TNNT2: variants seen among roughly 807,000 people sequenced by gnomAD.
The protein encoded by TNNT2 is troponin T2, cardiac type, also known as troponin T, cardiac muscle.
Under a neutral mutation model 62.4 loss-of-function variants are expected in TNNT2, and 34 were observed. The observed-to-expected ratio is 0.54, with a 90% confidence interval of 0.41 to 0.72. TNNT2 has a LOEUF of 0.72. TNNT2 is among the 30% of genes least tolerant of loss of function. The pLI is 0.00. For missense variants in TNNT2, 275 were observed against 381.9 expected, an observed-to-expected ratio of 0.72 and a Z score of 2.33; for synonymous variants, 123 against 127.2, an observed-to-expected ratio of 0.97 and a Z score of 0.22.
intron 5 of TNNT2, chr1:201,369,447 GC>G: frequency 2.1e-6 from 1 of 484,858 alleles, no homozygotes; most frequent in South Asian, 1.5e-5. Context: ...CCTAAGGAGG[GC>G]CCAGCATGGA....
chr1:201,366,273 G>C (rs1362485165), intron 8 of TNNT2: 3 of 1,020,924 alleles, frequency 2.9e-6, no homozygotes, highest in East Asian at 8.7e-5. Context: ...CACTGAAATG[G>C]GAAGAGCCTG....
At chr1:201,375,983 C>T (rs1661341650) in intron 1 of TNNT2, among the ~76,000 whole-genome samples, 1 of 152,226 alleles carries the variant, frequency 6.6e-6, no homozygotes, top group Admixed American at 6.5e-5. Flanking sequence ...AGGACACCAC[C>T]ATGCCAGTGG....
At chr1:201,359,707 CTGGCTCAGGTCCCAGG>C in intron 15 of TNNT2, 44 bp from the exon 16 acceptor site, 3 of 1,556,272 alleles carry the variant, frequency 1.9e-6, no homozygotes, top group Middle Eastern at 1.7e-4. Context: ...CTGGAGCTGA[CTGGCTCAGGTCCCAGG>C]TGGCCTGGGG....
intron 5 of TNNT2, among the ~76,000 whole-genome samples, chr1:201,368,902 A>G (rs1301499616): frequency 6.6e-6 from 1 of 152,212 alleles, no homozygotes; most frequent in Non-Finnish European, 1.5e-5. Flanking sequence ...GGAAGACACC[A>G]TCGTGGGAGA....
intron 8 of TNNT2, chr1:201,365,881 T>C: frequency 7.0e-7 from 1 of 1,433,140 alleles, no homozygotes; most frequent in South Asian, 1.4e-5. Context: ...CATATGCTAT[T>C]TCACTTCATG....
At chr1:201,361,508 C>T (rs1658633697) in intron 14 of TNNT2, 139 bp from the exon 15 acceptor site, 4 of 850,748 alleles carry the variant, frequency 4.7e-6, no homozygotes, top group Non-Finnish European at 7.9e-6. Context: ...CAGCCCACCC[C>T]CTGGGCCTGA....
chr1:201,365,812 C>A lies in TNNT2; in HGVS notation c.234-142G>T, dbSNP rs192682611. ...ACCACAGCAATGATAGTAACACTGA[C>A]GTCAACAATGGCAGTCCTCAGCCTT... On this transcript the variant is annotated intron_variant, in intron 8 of 16. Transcript: ENST00000656932. The A allele has an allele frequency of 2.0e-6, 3 of 1,535,064 alleles. No individual in the cohort carries two copies. The African/African-American group carries it at 4.1e-5, about 21-fold the overall frequency.
intron 5 of TNNT2, chr1:201,369,242 G>A (rs988576912): frequency 2.1e-5 from 10 of 468,688 alleles, no homozygotes; most frequent in Admixed American, 9.4e-5. Flanking sequence ...CTGTCAGAAC[G>A]CACTTTCTAA....
chr1:201,373,297 G>A, intron 1 of TNNT2, 29 bp from the exon 2 acceptor site: 1 of 1,607,288 alleles, frequency 6.2e-7, no homozygotes, highest in Non-Finnish European at 8.5e-7. Flanking sequence ...GTCAGTGCAG[G>A]TACAAAGGGA....
At chr1:201,364,525 CA>C in intron 10 of TNNT2, 150 bp from the exon 11 acceptor site, 1 of 796,490 alleles carries the variant, frequency 1.3e-6, no homozygotes, top group East Asian at 2.7e-5. Context: ...CAAGGGCCTC[CA>C]CTTTCAACCA....
At chr1:201,361,583 A>G (rs1658648840) in intron 14 of TNNT2, among the ~76,000 whole-genome samples, 1 of 152,230 alleles carries the variant, frequency 6.6e-6, no homozygotes, top group Admixed American at 6.5e-5. Context: ...CTGCCAGGGC[A>G]AAGTTCCAAG....
intron 15 of TNNT2, among the ~76,000 whole-genome samples, 172 bp from the exon 16 acceptor site, chr1:201,359,835 C>T (rs1571591603): frequency 6.6e-6 from 1 of 152,232 alleles, no homozygotes; most frequent in Admixed American, 6.5e-5. Context: ...GGCCCGTGTA[C>T]CACAGGCAGA....
intron 1 of TNNT2, among the ~76,000 whole-genome samples, chr1:201,376,605 C>T (rs572770976): frequency 6.6e-6 from 1 of 152,258 alleles, no homozygotes; most frequent in South Asian, 2.1e-4. Flanking sequence ...AAGGAAGATT[C>T]GCCCTCTAAG....
intron 5 of TNNT2, among the ~76,000 whole-genome samples, chr1:201,369,131 T>C (rs1660182921): frequency 6.6e-6 from 1 of 152,058 alleles, no homozygotes; most frequent in Non-Finnish European, 1.5e-5. Flanking sequence ...ACGTGTCATT[T>C]CTCTATATAA....
chr1:201,373,270 T>C lies in TNNT2; in HGVS notation c.-14-2A>G. The stretch of plus-strand genomic sequence containing the variant: ...TGTCAGACATGGTCTCTGCTCTCCC[T>C]CCAAAAGGAGAAAAAAGTCAGTGCA... On this transcript the variant is annotated splice_acceptor_variant, in intron 1 of 16. Transcript: ENST00000656932. LOFTEE classifies it low-confidence loss of function (5UTR_SPLICE). The C allele has an allele frequency of 6.2e-7, 1 of 1,613,894 alleles. No homozygotes were observed. The highest frequency in any genetic ancestry group is 8.5e-7 in the Non-Finnish European group (1 of 1,179,920).
intron 5 of TNNT2, chr1:201,369,345 G>A (rs1660224552): frequency 2.1e-6 from 1 of 473,250 alleles, no homozygotes; most frequent in Non-Finnish European, 4.4e-6. Flanking sequence ...TCCTGCTCTG[G>A]CTATTTCCAG....
chr1:201,365,092 C>A, intron 10 of TNNT2, 99 bp downstream of exon 10: 2 of 1,035,210 alleles, frequency 1.9e-6, no homozygotes, highest in Non-Finnish European at 3.1e-6. Context: ...GGGTTTGAGG[C>A]GCCGAGGAAG....
At chr1:201,366,631 A>G in intron 8 of TNNT2, 1 of 1,463,072 alleles carries the variant, frequency 6.8e-7, no homozygotes, top group Non-Finnish European at 9.0e-7. Flanking sequence ...ACGATTGGTG[A>G]TGGAGTGTTG....
rs894529501 is a variant in TNNT2, at chr1:201,368,075, T to C, written c.163+87A>G. The stretch of plus-strand genomic sequence containing the variant: ...AGTCAGGTGCACATGGGAAAGCCTG[T>C]TCTGGGGGGTTTCTTACTGCCTCAG... On this transcript the variant is annotated intron_variant, in intron 6 of 16. Transcript: ENST00000656932. 78 of 1,375,946 alleles carry C rather than the reference T, an allele frequency of 5.7e-5. 1 individual carries two copies. In the African/African-American group the frequency reaches 9.6e-4, roughly 17 times the overall value. 85.2% of individuals were successfully genotyped at this position (1,375,946 alleles called of 1,614,324 possible). A position where few individuals can be genotyped will look rare whatever the true frequency, so the allele number is the denominator to read the frequency against.
Sources: allele counts gnomAD v4.1 joint callset (sites outside exome capture counted in the v4.1 genomes callset), GRCh38; gene constraint gnomAD v4.1.1; transcripts MANE v1.5; gene names NCBI Gene and HGNC (gene_info 2026-07-23, HGNC 2026-07-21).